Variants in ATXN1 observed in about 807,000 individuals in gnomAD.
The protein encoded by ATXN1 is ataxin-1.
In ATXN1, 8 loss-of-function variants were observed where a neutral mutation model predicts 56.4. The observed-to-expected ratio is 0.14, with a 90% CI of 0.08 to 0.26. The LOEUF (loss-of-function observed/expected upper bound fraction) is 0.26. Ranked by LOEUF, ATXN1 falls within the 10% of genes least tolerant of loss-of-function variation. ATXN1 has a pLI of 1.00. For synonymous variants in ATXN1, 514 were observed against 494.6 expected, an observed-to-expected ratio of 1.04 and a Z score of -0.52; for missense variants, 987 against 1,106.5, an observed-to-expected ratio of 0.89 and a Z score of 1.53.
rs150419188 is a variant in ATXN1 at position 16,529,532 on chromosome 6, G to A, written c.-360-6844C>T. The stretch of plus-strand genomic sequence containing the variant: ...TTGAACACCCGCTCATCTGACCTAA[G>A]CGCAATGTTAATAACCCAAACACAA... On this transcript the variant is annotated intron_variant, in intron 4 of 7. Transcript: ENST00000436367. Among the ~76,000 whole-genome samples the A allele has an allele frequency of 8.0e-4, 122 of 152,256 alleles. 1 individual carries two copies. Among genetic ancestry groups the A allele is most frequent in the African/African-American group, 2.6e-3 (110 of 41,550 alleles).
At chr6:16,451,971 G>C (rs1759763219) in intron 6 of ATXN1, among the ~76,000 whole-genome samples, 1 of 152,068 alleles carries the variant, frequency 6.6e-6, no homozygotes, top group South Asian at 2.1e-4. Context: ...AAATATTCTG[G>C]GATTTGTCTG....
intron 4 of ATXN1, among the ~76,000 whole-genome samples, chr6:16,574,301 G>A (rs1038320274): frequency 1.3e-5 from 2 of 152,234 alleles, no homozygotes; most frequent in African/African-American, 2.4e-5. Flanking sequence ...TGCCTCCGGG[G>A]TTCAAGTGCT....
chr6:16,586,920 G>A (rs1271767836), intron 3 of ATXN1, among the ~76,000 whole-genome samples: 1 of 152,050 alleles, frequency 6.6e-6, no homozygotes. Context: ...TCAGGAAGCT[G>A]AGGCAGGAGA....
chr6:16,610,858 TAA>T (rs10719124), intron 3 of ATXN1, among the ~76,000 whole-genome samples: 207 of 136,266 alleles, frequency 1.5e-3, no homozygotes, highest in East Asian at 1.9e-3. Flanking sequence ...ACGTCATCTA[TAA>T]AAAAAAAAAA....
At chr6:16,360,694 C>T (rs1018879498) in intron 6 of ATXN1, among the ~76,000 whole-genome samples, 2 of 152,140 alleles carry the variant, frequency 1.3e-5, no homozygotes, top group Non-Finnish European at 2.9e-5. Context: ...TTCCTCTAAT[C>T]GTAACATATT....
intron 4 of ATXN1, among the ~76,000 whole-genome samples, chr6:16,539,723 C>T (rs771190812): frequency 1.6e-4 from 24 of 152,158 alleles, no homozygotes; most frequent in Non-Finnish European, 2.6e-4. Context: ...TCAAGGTCAC[C>T]GACTAGAGTA....
At chr6:16,368,343 C>CTTTTT (rs10527935) in intron 6 of ATXN1, among the ~76,000 whole-genome samples, 121 of 75,700 alleles carry the variant, frequency 1.6e-3, no homozygotes, top group Non-Finnish European at 2.2e-3. Context: ...ACTTCTTCTT[C>CTTTTT]TTTTTTTTTT....
intron 3 of ATXN1, among the ~76,000 whole-genome samples, chr6:16,635,383 A>C (rs1763577220): frequency 6.6e-6 from 1 of 152,162 alleles, no homozygotes; most frequent in Non-Finnish European, 1.5e-5. Flanking sequence ...GAATCATCCC[A>C]AAACCATCCC....
rs549433989 is a variant in ATXN1 at position 16,488,264 on chromosome 6, T to C, written c.-298-2155A>G. On this transcript the variant is annotated intron_variant, in intron 5 of 7. Coordinates refer to ENST00000436367, the MANE Select transcript of ATXN1 (RefSeq NM_001128164.2). ...GACACCTGCATGCCACAGCTGAAGT[T>C]AAGAAAACCCTCCCCCAAAAAGGAC... Among the ~76,000 whole-genome samples, 9 of 152,300 alleles carry C rather than the reference T, an allele frequency of 5.9e-5. No individual in the cohort carries two copies. In the East Asian group the frequency reaches 1.7e-3, roughly 29 times the overall value.
intron 2 of ATXN1, among the ~76,000 whole-genome samples, chr6:16,730,483 G>GTA (rs1283942311): frequency 3.0e-4 from 22 of 74,528 alleles, no homozygotes; most frequent in African/African-American, 9.4e-4. Context: ...GGGTAAAACA[G>GTA]TATGTATATA....
chr6:16,350,253 C>G (rs1460588809), intron 6 of ATXN1, among the ~76,000 whole-genome samples: 1 of 152,188 alleles, frequency 6.6e-6, no homozygotes, highest in African/African-American at 2.4e-5. Flanking sequence ...GTTTCCTCAT[C>G]TGGAATATGT....
chr6:16,602,455 C>CTT (rs779197941), intron 3 of ATXN1, among the ~76,000 whole-genome samples: 2 of 139,848 alleles, frequency 1.4e-5, no homozygotes, highest in Admixed American at 7.2e-5. Flanking sequence ...AGCCAAAATT[C>CTT]TTTTTTTTTT....
chr6:16,454,745 C>A (rs555654312), intron 6 of ATXN1, among the ~76,000 whole-genome samples: 4 of 152,306 alleles, frequency 2.6e-5, no homozygotes, highest in African/African-American at 9.6e-5. Context: ...CAAAACTAAA[C>A]AGCCATCAGA....
chr6:16,460,875 G>T (rs1759979447), intron 6 of ATXN1, among the ~76,000 whole-genome samples: 1 of 152,158 alleles, frequency 6.6e-6, no homozygotes, highest in African/African-American at 2.4e-5. Flanking sequence ...CTTAGAACCG[G>T]GAAAGGAAAA....
chr6:16,546,041 C>G (rs910469957), intron 4 of ATXN1, among the ~76,000 whole-genome samples: 3 of 152,170 alleles, frequency 2.0e-5, no homozygotes, highest in Non-Finnish European at 2.9e-5. Context: ...GGCTTTCTTT[C>G]CTTCAGAGTA....
chr6:16,560,797 A>G (rs1176786603), intron 4 of ATXN1, among the ~76,000 whole-genome samples: 2 of 152,206 alleles, frequency 1.3e-5, no homozygotes, highest in African/African-American at 2.4e-5. Flanking sequence ...CTTTCCCCCA[A>G]TTATGACCAT....
In ATXN1 at chr6:16,486,508, G is replaced by C. The variant is rs144019063; in HGVS notation, c.-298-399C>G. Among the ~76,000 whole-genome samples the C allele has an allele frequency of 2.1e-3, 321 of 152,262 alleles. 2 individuals carry two copies. Among genetic ancestry groups the C allele is most frequent in the Middle Eastern group, 0.014 (4 of 294 alleles). On this transcript the variant is annotated intron_variant, in intron 5 of 7. Coordinates refer to ENST00000436367, the MANE Select transcript of ATXN1 (RefSeq NM_001128164.2). ...CTTGCAAAGCACACACAGTTCCCGA[G>C]AAGAAATCCACTATGTTAATGCAAA...
rs751421308 is a variant in ATXN1, at chr6:16,327,633, GTGCTGCTGCTGCTGC to G, written c.663_677del (p.Gln221_Gln225del). 2.6e-4 allele frequency: 377 copies of G among 1,451,498 alleles called. 1 individual carries two copies. The highest frequency in any genetic ancestry group is 1.3e-3 in the East Asian group (52 of 40,296). The allele number at this position is 1,451,498 out of a possible 1,614,324, so 89.9% of individuals were successfully genotyped here. ...TGATGAGCCCCGGAGCCCTGCTGAG[GTGCTGCTGCTGCTGC>G]TGCTGCTGCTGCTGCTGCTGCTGCT... On this transcript the variant is annotated inframe_deletion, in exon 7 of 8. Coordinates refer to ENST00000436367, the MANE Select transcript of ATXN1 (RefSeq NM_001128164.2).
intron 2 of ATXN1, among the ~76,000 whole-genome samples, chr6:16,673,378 G>A (rs375550049): frequency 3.9e-5 from 6 of 152,096 alleles, no homozygotes; most frequent in African/African-American, 1.2e-4. Flanking sequence ...GATATGGCCC[G>A]GGTAGTTTAT....
Sources: allele counts gnomAD v4.1 joint callset (sites outside exome capture counted in the v4.1 genomes callset), GRCh38; gene constraint gnomAD v4.1.1; transcripts MANE v1.5; gene names NCBI Gene and HGNC (gene_info 2026-07-23, HGNC 2026-07-21).